The following TMTC1 variants were observed in gnomAD, a reference collection of about 807,000 sequenced individuals.
TMTC1 encodes transmembrane O-mannosyltransferase targeting cadherins 1.
In TMTC1, 73 loss-of-function variants were observed where a neutral mutation model predicts 104.8. That is an observed-to-expected ratio of 0.70 (90% CI 0.58 to 0.85). The LOEUF (loss-of-function observed/expected upper bound fraction) is 0.85. Among genes scored for constraint, TMTC1 ranks in the 40% least tolerant of loss-of-function variants. The pLI is 0.00. For missense variants in TMTC1, 1,035 were observed against 1,096.1 expected, an observed-to-expected ratio of 0.94 and a Z score of 0.79; for synonymous variants, 434 against 428.7, an observed-to-expected ratio of 1.01 and a Z score of -0.15.
chr12:29,527,754 T>C (rs1282229371), intron 11 of TMTC1, among the ~76,000 whole-genome samples: 2 of 152,334 alleles, frequency 1.3e-5, no homozygotes, highest in South Asian at 2.1e-4. Flanking sequence ...TTACTTTTTT[T>C]CCCACTTTCT....
In TMTC1 at chr12:29,643,659, A is replaced by T. The variant is rs1194196461; in HGVS notation, c.939-10323T>A. Among the ~76,000 whole-genome samples, 2 of 16,212 alleles carry T rather than the reference A, an allele frequency of 1.2e-4. 1 individual carries two copies. The highest frequency in any genetic ancestry group is 4.9e-4 in the African/African-American group (2 of 4,112). The allele number at this position is 16,212 out of a possible 152,430, so 10.6% of individuals were successfully genotyped here. A position where few individuals can be genotyped will look rare whatever the true frequency, so the allele number is the denominator to read the frequency against. On this transcript the variant is annotated intron_variant, in intron 5 of 17. Coordinates refer to ENST00000539277, the MANE Select transcript of TMTC1 (RefSeq NM_001193451.2). ...ATATAATATATATGTTATATTATAT[A>T]ATATATAATATATATCTATATATTA...
intron 7 of TMTC1, among the ~76,000 whole-genome samples, chr12:29,599,142 T>C (rs776276851): frequency 1.1e-4 from 16 of 152,372 alleles, no homozygotes; most frequent in Middle Eastern, 3.4e-3. Flanking sequence ...CAACTACTTC[T>C]GCTTCATCCA....
chr12:29,759,185 T>C (rs891244201), intron 2 of TMTC1, among the ~76,000 whole-genome samples: 4 of 152,158 alleles, frequency 2.6e-5, no homozygotes, highest in Non-Finnish European at 4.4e-5. Context: ...AAAAAGTAAG[T>C]TGAGAATCAA....
chr12:29,524,931 G>T (rs1189936109), intron 11 of TMTC1, among the ~76,000 whole-genome samples: 1 of 152,056 alleles, frequency 6.6e-6, no homozygotes. Flanking sequence ...ATTAAGAGAG[G>T]TAAGAGTCTG....
intron 7 of TMTC1, among the ~76,000 whole-genome samples, chr12:29,599,173 T>A (rs566955078): frequency 6.6e-6 from 1 of 152,332 alleles, no homozygotes; most frequent in East Asian, 1.9e-4. Context: ...TTTTAGTTCA[T>A]TGTAGCAATT....
At chr12:29,753,776 A>G (rs879777084) in intron 4 of TMTC1, among the ~76,000 whole-genome samples, 3 of 152,248 alleles carry the variant, frequency 2.0e-5, no homozygotes, top group Admixed American at 1.3e-4. Context: ...GCTAGGCAGA[A>G]TGAGTATGTG....
At chr12:29,524,705 A>G (rs1473569571) in intron 11 of TMTC1, among the ~76,000 whole-genome samples, 2 of 152,236 alleles carry the variant, frequency 1.3e-5, no homozygotes, top group African/African-American at 4.8e-5. Flanking sequence ...GGTTAAAAGG[A>G]ATGAACCAAT....
intron 15 of TMTC1, among the ~76,000 whole-genome samples, chr12:29,515,950 C>T (rs1565637200): frequency 6.6e-6 from 1 of 151,548 alleles, no homozygotes; most frequent in Non-Finnish European, 1.5e-5. Flanking sequence ...TGTAATCTTC[C>T]TATATATTCC....
rs909945918 is a variant in TMTC1 at position 29,504,871 on chromosome 12, T to C, written c.*1975A>G. The C allele has an allele frequency of 6.6e-6, 1 of 152,180 alleles. No homozygotes were observed. The highest frequency in any genetic ancestry group is 2.4e-5 in the African/African-American group (1 of 41,434). 9.4% of individuals were successfully genotyped at this position (152,180 alleles called of 1,614,324 possible). On this transcript the variant is annotated 3_prime_UTR_variant, in exon 18 of 18. Coordinates refer to ENST00000539277, the MANE Select transcript of TMTC1 (RefSeq NM_001193451.2). Reference sequence around the variant, plus strand: ...AAAGTTGTAATAAAGTCCTAGACATTCACTTTTTTCAATTTGAGGGTGTGG... The same window carrying C: ...AAAGTTGTAATAAAGTCCTAGACATCCACTTTTTTCAATTTGAGGGTGTGG...
chr12:29,502,957 G>A lies in TMTC1; in HGVS notation c.*3889C>T, dbSNP rs1943626655. 1 of 152,178 alleles carries A rather than the reference G, an allele frequency of 6.6e-6. No individual in the cohort carries two copies. Among genetic ancestry groups the A allele is most frequent in the East Asian group, 1.9e-4 (1 of 5,184 alleles). 9.4% of individuals were successfully genotyped at this position (152,178 alleles called of 1,614,324 possible). A position where few individuals can be genotyped will look rare whatever the true frequency, so the allele number is the denominator to read the frequency against. ...TCAGCTGAATGTAGCTCTTCAATCT[G>A]AGAACCTGGAATGTTTTACAATGAA... On this transcript the variant is annotated 3_prime_UTR_variant, in exon 18 of 18. Coordinates refer to ENST00000539277, the MANE Select transcript of TMTC1 (RefSeq NM_001193451.2).
At chr12:29,536,359 T>A (rs777467079) in intron 10 of TMTC1, 42 bp from the exon 11 acceptor site, 1 of 1,254,544 alleles carries the variant, frequency 8.0e-7, no homozygotes, top group Non-Finnish European at 1.1e-6. Context: ...CATCTTTTAA[T>A]AACACTTTGT....
chr12:29,522,515 A>G (rs1434701235), intron 11 of TMTC1, among the ~76,000 whole-genome samples: 1 of 152,124 alleles, frequency 6.6e-6, no homozygotes, highest in East Asian at 1.9e-4. Flanking sequence ...TCTATTGAAG[A>G]GAAGCTTTCT....
upstream of TMTC1, among the ~76,000 whole-genome samples, chr12:29,784,053 C>G (rs568469335): frequency 2.8e-4 from 43 of 152,122 alleles, no homozygotes; most frequent in South Asian, 7.0e-3. Context: ...CCGGTTCCCC[C>G]GCACAGCCCG....
chr12:29,520,775 A>T (rs1322661954), intron 11 of TMTC1, 55 bp from the exon 12 acceptor site: 1 of 1,392,112 alleles, frequency 7.2e-7, no homozygotes, highest in Non-Finnish European at 1.0e-6. Context: ...AAAACCAACA[A>T]TAACTGAATA....
At chr12:29,753,073 G>C (rs1943130202) in intron 4 of TMTC1, among the ~76,000 whole-genome samples, 1 of 152,152 alleles carries the variant, frequency 6.6e-6, no homozygotes. Flanking sequence ...GGAATAAACT[G>C]CACTTGTAGG....
At chr12:29,538,572 A>G (rs181988125) in intron 10 of TMTC1, among the ~76,000 whole-genome samples, 1 of 152,282 alleles carries the variant, frequency 6.6e-6, no homozygotes, top group African/African-American at 2.4e-5. Flanking sequence ...CAATGACTTA[A>G]TGGTTTTCTT....
intron 8 of TMTC1, among the ~76,000 whole-genome samples, chr12:29,580,958 G>A (rs753663345): frequency 6.6e-6 from 1 of 152,112 alleles, no homozygotes; most frequent in Non-Finnish European, 1.5e-5. Flanking sequence ...CTTACACAGC[G>A]TTTCTCAAAT....
At chr12:29,697,824 A>G (rs565775314) in intron 5 of TMTC1, among the ~76,000 whole-genome samples, 1 of 152,310 alleles carries the variant, frequency 6.6e-6, no homozygotes, top group South Asian at 2.1e-4. Flanking sequence ...GTCCACTCAT[A>G]TTACCAAGGA....
At chr12:29,776,405 A>G (rs2017207) in intron 1 of TMTC1, among the ~76,000 whole-genome samples, 3,696 of 152,316 alleles carry the variant, frequency 0.024, 176 homozygotes, top group African/African-American at 0.084. Context: ...GTCTGCCTCC[A>G]CTTTTCTCTT....
Sources: allele counts gnomAD v4.1 joint callset (sites outside exome capture counted in the v4.1 genomes callset), GRCh38; gene constraint gnomAD v4.1.1; transcripts MANE v1.5; gene names NCBI Gene and HGNC (gene_info 2026-07-23, HGNC 2026-07-21).